Variants in SLC24A4 observed in about 807,000 individuals in gnomAD.
SLC24A4 encodes the protein solute carrier family 24 member 4, also known as sodium/potassium/calcium exchanger 4.
A neutral mutation model predicts 79.0 loss-of-function variants in SLC24A4; 53 were observed. That is an observed-to-expected ratio of 0.67 (90% CI 0.54 to 0.84). SLC24A4 has a LOEUF of 0.84. Ranked by LOEUF, SLC24A4 falls within the 40% of genes least tolerant of loss-of-function variation. The pLI, the probability that SLC24A4 is intolerant of heterozygous loss-of-function variation, is 0.00. For missense variants in SLC24A4, 731 were observed against 822.0 expected, an observed-to-expected ratio of 0.89 and a Z score of 1.35; for synonymous variants, 323 against 323.8, an observed-to-expected ratio of 1.00 and a Z score of 0.03.
chr14:92,330,200 C>T (rs1443332024), intron 2 of SLC24A4, among the ~76,000 whole-genome samples: 1 of 152,190 alleles, frequency 6.6e-6, no homozygotes, highest in Non-Finnish European at 1.5e-5. Context: ...CTAGGTGGCT[C>T]TCTGGGCTAG....
At chr14:92,378,590 A>C (rs1210362712) in intron 2 of SLC24A4, among the ~76,000 whole-genome samples, 1 of 152,036 alleles carries the variant, frequency 6.6e-6, no homozygotes, top group Non-Finnish European at 1.5e-5. Flanking sequence ...TCTTTTTCTG[A>C]TTGATTTGTA....
chr14:92,343,632 CTTTCTT>C (rs1441237921), intron 2 of SLC24A4, among the ~76,000 whole-genome samples: 76 of 147,470 alleles, frequency 5.2e-4, no homozygotes, highest in African/African-American at 1.8e-3. Flanking sequence ...TTCTTTCTTT[CTTTCTT>C]TCTCTCTTTC....
At chr14:92,410,775 C>G (rs1392321910) in intron 2 of SLC24A4, among the ~76,000 whole-genome samples, 4 of 152,198 alleles carry the variant, frequency 2.6e-5, no homozygotes, top group Admixed American at 1.3e-4. Flanking sequence ...AGAATTTGAA[C>G]CCAGGCAGGG....
intron 2 of SLC24A4, among the ~76,000 whole-genome samples, chr14:92,326,518 G>A (rs1302015461): frequency 1.3e-5 from 2 of 152,166 alleles, no homozygotes; most frequent in African/African-American, 4.8e-5. Flanking sequence ...CCGTTTTGAT[G>A]TTCTTCTTCA....
intron 6 of SLC24A4, 67 bp from the exon 7 acceptor site, chr14:92,443,333 C>T (rs1486153660): frequency 1.6e-5 from 24 of 1,480,808 alleles, no homozygotes; most frequent in Non-Finnish European, 2.1e-5. Flanking sequence ...GGGGAGGAGG[C>T]CTGGGCAGCT....
At position 92,493,615 on chromosome 14, in the gene SLC24A4, G is replaced by T; in HGVS notation, c.1856G>T (p.Arg619Leu). 2 of 1,614,052 alleles carry T rather than the reference G, an allele frequency of 1.2e-6. No individual in the cohort carries two copies. Among genetic ancestry groups the T allele is most frequent in the Non-Finnish European group, 1.7e-6 (2 of 1,179,988 alleles). ...ACCTTCGTCAACTTGCCGATGTGCC[G>T]GGAAGACGATTAGCGCTGAGTCGCG... ...VFTFVNLPMC[R>L]EDD Residue 619 changes from arginine to leucine, a missense_variant, in exon 17 of 17, where the codon CGG becomes CTG. Arg to Leu is a moderately radical substitution (Grantham distance 102). Transcript: ENST00000532405.
chr14:92,469,091 A>G (rs1023194788), intron 12 of SLC24A4, among the ~76,000 whole-genome samples: 1 of 152,206 alleles, frequency 6.6e-6, no homozygotes, highest in African/African-American at 2.4e-5. Flanking sequence ...TAAATGAGAT[A>G]TCATGATGAG....
chr14:92,438,072 T>A (rs1892272704), intron 3 of SLC24A4, among the ~76,000 whole-genome samples: 1 of 152,210 alleles, frequency 6.6e-6, no homozygotes. Context: ...AATTCAGTTC[T>A]GACACCGTAC....
At chr14:92,349,408 C>T (rs894142417) in intron 2 of SLC24A4, among the ~76,000 whole-genome samples, 1 of 152,236 alleles carries the variant, frequency 6.6e-6, no homozygotes, top group Non-Finnish European at 1.5e-5. Context: ...GATCCGCCCG[C>T]CTTGGCCTCC....
At chr14:92,362,744 T>G (rs570309814) in intron 2 of SLC24A4, among the ~76,000 whole-genome samples, 80 of 152,334 alleles carry the variant, frequency 5.3e-4, no homozygotes, top group South Asian at 2.1e-3. Flanking sequence ...CATGCGCTCC[T>G]CCTCTCTGAA....
intron 12 of SLC24A4, among the ~76,000 whole-genome samples, chr14:92,474,829 A>ATGTGTGTGTGTG (rs1327061695): frequency 1.1e-5 from 1 of 87,558 alleles, no homozygotes; most frequent in Non-Finnish European, 2.3e-5. Flanking sequence ...ATACATATAT[A>ATGTGTGTGTGTG]TGTGTGTGTG....
Position 92,497,206 on chromosome 14 carries a change from T to C in SLC24A4, c.*3578T>C, listed in dbSNP as rs1895959275. The C allele has an allele frequency of 1.3e-5, 2 of 152,282 alleles. No homozygotes were observed. The highest frequency in any genetic ancestry group is 4.8e-5 in the African/African-American group (2 of 41,444). 9.4% of individuals were successfully genotyped at this position (152,282 alleles called of 1,614,324 possible). On this transcript the variant is annotated 3_prime_UTR_variant, in exon 17 of 17. Transcript: ENST00000532405. ...CTTAACAGACCTAAGCAGCTGATAA[T>C]GCACCAAGCTTCCCTGACCAGGTGG... is the stretch of plus-strand genomic sequence containing the variant.
rs1233105372 is a variant in SLC24A4, at chr14:92,493,838, G to A, written c.*210G>A. On this transcript the variant is annotated 3_prime_UTR_variant, in exon 17 of 17. Transcript: ENST00000532405. ...CCTCCTTGGAGTTCCGCCCCTGCAA[G>A]GCTGGATTTGGGGGCCATTATCTGA... 2 of 604,024 alleles carry A rather than the reference G, an allele frequency of 3.3e-6. No homozygotes were observed. Among genetic ancestry groups the A allele is most frequent in the Admixed American group, 3.2e-5 (1 of 31,364 alleles). The allele number at this position is 604,024 out of a possible 1,614,324, so 37.4% of individuals were successfully genotyped here. A position where few individuals can be genotyped will look rare whatever the true frequency, so the allele number is the denominator to read the frequency against.
At chr14:92,471,426 G>A (rs1272922954) in intron 12 of SLC24A4, among the ~76,000 whole-genome samples, 1 of 150,942 alleles carries the variant, frequency 6.6e-6, no homozygotes, top group Non-Finnish European at 1.5e-5. Flanking sequence ...CTGCAAGGAA[G>A]CCTAGGAAAT....
intron 2 of SLC24A4, among the ~76,000 whole-genome samples, chr14:92,345,795 A>AC (rs1386104267): frequency 6.6e-6 from 1 of 152,094 alleles, no homozygotes; most frequent in Non-Finnish European, 1.5e-5. Flanking sequence ...TTCATAGGGC[A>AC]CCCACCCCCT....
intron 2 of SLC24A4, among the ~76,000 whole-genome samples, chr14:92,358,487 C>T (rs1009526752): frequency 1.3e-5 from 2 of 152,018 alleles, no homozygotes; most frequent in Non-Finnish European, 2.9e-5. Flanking sequence ...TCCGCTTGTC[C>T]GTACTCATCA....
At chr14:92,402,008 T>C (rs1050003837) in intron 2 of SLC24A4, among the ~76,000 whole-genome samples, 2 of 152,178 alleles carry the variant, frequency 1.3e-5, no homozygotes, top group African/African-American at 4.8e-5. Flanking sequence ...GCCCTTTACC[T>C]GATTTCCTCG....
At chr14:92,468,541 A>G (rs979156650) in intron 12 of SLC24A4, among the ~76,000 whole-genome samples, 2 of 152,242 alleles carry the variant, frequency 1.3e-5, no homozygotes, top group African/African-American at 4.8e-5. Flanking sequence ...ATTGTCTGGC[A>G]CTGGCATAAG....
At chr14:92,474,597 G>A (rs1237095556) in intron 12 of SLC24A4, among the ~76,000 whole-genome samples, 3 of 151,178 alleles carry the variant, frequency 2.0e-5, no homozygotes, top group Non-Finnish European at 2.9e-5. Flanking sequence ...CGATTCTCCT[G>A]CCTCAGCCTC....
Sources: allele counts gnomAD v4.1 joint callset (sites outside exome capture counted in the v4.1 genomes callset), GRCh38; gene constraint gnomAD v4.1.1; transcripts MANE v1.5; gene names NCBI Gene and HGNC (gene_info 2026-07-23, HGNC 2026-07-21).